Variants in OTOL1 observed in about 807,000 individuals in gnomAD.
OTOL1 encodes the protein otolin-1.
A neutral mutation model predicts 25.0 loss-of-function variants in OTOL1; 31 were observed. The ratio of observed to expected loss-of-function variants is 1.24; its 90% CI spans 0.93 to 1.67. The LOEUF (loss-of-function observed/expected upper bound fraction) is 1.67, where lower values mean the gene tolerates loss of function less well. OTOL1 is among the 40% of genes most tolerant of loss of function. The pLI, the probability that OTOL1 is intolerant of heterozygous loss-of-function variation, is 0.00. For missense variants in OTOL1, 654 were observed against 587.7 expected (o/e 1.11, Z -1.17); for synonymous variants, 225 against 210.3 (o/e 1.07, Z -0.61).
chr3:161,503,468 C>T lies in OTOL1; in HGVS notation c.960C>T (p.Gly320=). The T allele has an allele frequency of 6.2e-7, 1 of 1,613,326 alleles. No homozygotes were observed. The highest frequency in any genetic ancestry group is 1.7e-4 in the Middle Eastern group (1 of 6,056). ...ACATTGGCAACAAAGGGGTCCGAGG[C>T]CCCACTGGGAAGAAGGGCTCTCGGG... The part of the protein sequence containing the change: ...KGDIGNKGVR[G]PTGKKGSRGF... The change falls in exon 4 of 4, where the codon GGC becomes GGT. Residue 320 remains glycine (G), a synonymous_variant. Coordinates refer to ENST00000327928, the MANE Select transcript of OTOL1 (RefSeq NM_001080440.1).
At position 161,503,882 on chromosome 3, in the gene OTOL1, T is replaced by C. The variant is rs765579214; in HGVS notation, c.1374T>C (p.Asp458=). The change falls in exon 4 of 4, where the codon GAT becomes GAC. Residue 458 remains aspartate, a synonymous_variant. Coordinates refer to ENST00000327928, the MANE Select transcript of OTOL1 (RefSeq NM_001080440.1). The part of the protein sequence containing the change: ...DWNGVYVSAE[D]DSIFTGFLLY... ...ATGGGGTGTATGTCAGTGCTGAGGA[T>C]GACAGCATTTTTACTGGGTTCCTTT... 1.2e-6 allele frequency: 2 copies of C among 1,613,814 alleles called. No homozygotes were observed. Among genetic ancestry groups the C allele is most frequent in the Non-Finnish European group, 1.7e-6 (2 of 1,179,846 alleles).
At position 161,496,977 on chromosome 3, in the gene OTOL1, C is replaced by T; in HGVS notation, c.170C>T (p.Thr57Ile). The T allele has an allele frequency of 6.2e-7, 1 of 1,613,366 alleles. No homozygotes were observed. Among genetic ancestry groups the T allele is most frequent in the Non-Finnish European group, 8.5e-7 (1 of 1,179,454 alleles). Residue 57 changes from threonine (T) to isoleucine (I), a missense_variant, in exon 1 of 4, where the codon ACC becomes ATC. Coordinates refer to ENST00000327928, the MANE Select transcript of OTOL1 (RefSeq NM_001080440.1). ...GGCCCACCTCCAGAAGAAGAAGAAACCCTCTTCACAGAAATGGCTGAAATG... is the reference window on the plus strand; with the variant it reads ...GGCCCACCTCCAGAAGAAGAAGAAATCCTCTTCACAGAAATGGCTGAAATG... ...SSGPPPEEEE[T>I]LFTEMAEMAE... is the part of the protein sequence containing the mutation.
At chr3:161,501,087 C>T (rs1263318931) in intron 2 of OTOL1, among the ~76,000 whole-genome samples, 2 of 152,136 alleles carry the variant, frequency 1.3e-5, no homozygotes, top group Non-Finnish European at 2.9e-5. Context: ...ATCTCAGCTT[C>T]TTTTGTTGAT....
Position 161,499,213 on chromosome 3 carries a change from C to T in OTOL1, c.407C>T (p.Pro136Leu), listed in dbSNP as rs772412825. 6.2e-7 allele frequency: 1 copy of T among 1,611,454 alleles called. No individual in the cohort carries two copies. The highest frequency in any genetic ancestry group is 1.3e-5 in the African/African-American group (1 of 74,830). The change falls in exon 2 of 4, where the codon CCA (proline) becomes CTA (leucine). Residue 136 changes from proline to leucine, a missense_variant. Physicochemically the swap from Pro to Leu is moderately conservative, Grantham distance 98. Transcript: ENST00000327928. ...GGAAATTTGGGGATCCCAGGGCCAC[C>T]AGGAGTTGTTGGGCCCCAAGGCCCT... ...EAGNLGIPGP[P>L]GVVGPQGPRG...
chr3:161,500,376 C>T (rs1718946448), intron 2 of OTOL1, among the ~76,000 whole-genome samples: 1 of 152,042 alleles, frequency 6.6e-6, no homozygotes, highest in Non-Finnish European at 1.5e-5. Flanking sequence ...GTGATTCATA[C>T]ATTTTGGAAG....
intron 3 of OTOL1, 132 bp downstream of exon 3, chr3:161,502,501 C>A: frequency 1.3e-6 from 1 of 794,056 alleles, no homozygotes; most frequent in Non-Finnish European, 2.1e-6. Context: ...TCTAATAATT[C>A]AGTGTACTGA....
At position 161,503,107 on chromosome 3, in the gene OTOL1, G is replaced by A. The variant is rs1440237791; in HGVS notation, c.599G>A (p.Cys200Tyr). The A allele has an allele frequency of 1.3e-5, 19 of 1,425,978 alleles. 1 individual carries two copies. The highest frequency in any genetic ancestry group is 8.3e-6 in the Non-Finnish European group (9 of 1,088,718). The allele number at this position is 1,425,978 out of a possible 1,614,324, so 88.3% of individuals were successfully genotyped here. Residue 200 changes from cysteine to tyrosine, a missense_variant, in exon 4 of 4, where the codon TGT (cysteine) becomes TAT (tyrosine). Physicochemically the swap from Cys to Tyr is radical, Grantham distance 194. Coordinates refer to ENST00000327928, the MANE Select transcript of OTOL1 (RefSeq NM_001080440.1). ...CAAAAAGGCTCCAAGGGAGACACATGTGGGAATTGTACCAAAGGAGAAAAA... is the reference window on the plus strand; with the variant it reads ...CAAAAAGGCTCCAAGGGAGACACATATGGGAATTGTACCAAAGGAGAAAAA... ...KGQKGSKGDTCGNCTKGEKGD... is the reference protein window; with the variant it reads ...KGQKGSKGDTYGNCTKGEKGD...
At chr3:161,501,125 C>G (rs1718964951) in intron 2 of OTOL1, among the ~76,000 whole-genome samples, 1 of 152,114 alleles carries the variant, frequency 6.6e-6, no homozygotes, top group African/African-American at 2.4e-5. Flanking sequence ...ATCTTCCCTA[C>G]TTTTCTTGAA....
At position 161,497,168 on chromosome 3, in the gene OTOL1, C is replaced by A; in HGVS notation, c.361C>A (p.Pro121Thr). 6.2e-7 allele frequency: 1 copy of A among 1,604,612 alleles called. No individual in the cohort carries two copies. The highest frequency in any genetic ancestry group is 8.5e-7 in the Non-Finnish European group (1 of 1,176,196). Residue 121 changes from proline (P) to threonine (T), a missense_variant, in exon 1 of 4, where the codon CCA (proline) becomes ACA (threonine). Transcript: ENST00000327928. ...QKGEPGETGQ[P>T]GPKGEAGNLG... ...AGGAGAACCTGGAGAGACTGGACAG[C>A]CAGGTATTAGAAAATATAAGAAGTC...
chr3:161,499,239 A>G lies in OTOL1; in HGVS notation c.433A>G (p.Arg145Gly), dbSNP rs773504198. Residue 145 changes from arginine (R) to glycine (G), a missense_variant, in exon 2 of 4, where the codon AGA becomes GGA. Transcript: ENST00000327928. ...PPGVVGPQGP[R>G]GYKGEKGLKG... ...AGGAGTTGTTGGGCCCCAAGGCCCT[A>G]GAGGCTACAAAGGAGAGAAAGGTAG... The G allele has an allele frequency of 3.1e-6, 5 of 1,608,428 alleles. No homozygotes were observed. The African/African-American group carries it at 5.4e-5, about 17-fold the overall frequency.
intron 3 of OTOL1, 41 bp from the exon 4 acceptor site, chr3:161,502,985 C>T: frequency 1.6e-6 from 2 of 1,280,530 alleles, no homozygotes; most frequent in Non-Finnish European, 2.0e-6. Flanking sequence ...CTGTTTATGG[C>T]CTATGTGATC....
Position 161,497,022 on chromosome 3 carries a change from C to T in OTOL1, c.215C>T (p.Pro72Leu), listed in dbSNP as rs1225487790. ...MAEMAEPITK[P>L]SALDSVFGTA... ...GAAATGGCAGAACCAATTACCAAAC[C>T]CTCGGCCTTGGATTCTGTCTTTGGC... Residue 72 changes from proline (P) to leucine (L), a missense_variant, in exon 1 of 4, where the codon CCC (proline) becomes CTC (leucine). By Grantham distance (98) the Pro-to-Leu change is moderately conservative (BLOSUM62 -3). Transcript: ENST00000327928. 6.2e-7 allele frequency: 1 copy of T among 1,613,648 alleles called. No homozygotes were observed. The highest frequency in any genetic ancestry group is 8.5e-7 in the Non-Finnish European group (1 of 1,179,682).
At chr3:161,497,767 A>G (rs2404561) in intron 1 of OTOL1, among the ~76,000 whole-genome samples, 48,417 of 151,778 alleles carry the variant, frequency 0.32, 7,869 homozygotes, top group African/African-American at 0.34. Flanking sequence ...TCATTGCCCA[A>G]TGATTTTCTC....
Position 161,497,132 on chromosome 3 carries a change from C to T in OTOL1, c.325C>T (p.Pro109Ser). 6.2e-7 allele frequency: 1 copy of T among 1,613,328 alleles called. No homozygotes were observed. Among genetic ancestry groups the T allele is most frequent in the Non-Finnish European group, 8.5e-7 (1 of 1,179,486 alleles). ...LNCCDCCSPV[P>S]GQKGEPGETG... ...TTGTTGTGATTGTTGTTCACCTGTA[C>T]CCGGGCAGAAAGGAGAACCTGGAGA... is the stretch of plus-strand genomic sequence containing the variant. Residue 109 changes from proline (P) to serine (S), a missense_variant, in exon 1 of 4, where the codon CCC becomes TCC. Pro to Ser is a moderately conservative substitution (Grantham distance 74). Coordinates refer to ENST00000327928, the MANE Select transcript of OTOL1 (RefSeq NM_001080440.1).
chr3:161,502,251 T>C, intron 2 of OTOL1, 56 bp from the exon 3 acceptor site: 1 of 1,424,744 alleles, frequency 7.0e-7, no homozygotes, highest in Non-Finnish European at 9.8e-7. Flanking sequence ...GAGAGGAATA[T>C]TAAATATATC....
At position 161,497,172 on chromosome 3, in the gene OTOL1, G is replaced by T. The variant is rs1359851971; in HGVS notation, c.364+1G>T. On this transcript the variant is annotated splice_donor_variant, in intron 1 of 3. Coordinates refer to ENST00000327928, the MANE Select transcript of OTOL1 (RefSeq NM_001080440.1). LOFTEE classifies it high-confidence loss of function. ...GAACCTGGAGAGACTGGACAGCCAG[G>T]TATTAGAAAATATAAGAAGTCATGT... 9 of 1,600,832 alleles carry T rather than the reference G, an allele frequency of 5.6e-6. No homozygotes were observed. Among genetic ancestry groups the T allele is most frequent in the Non-Finnish European group, 6.8e-6 (8 of 1,174,766 alleles).
chr3:161,501,206 T>C (rs1364627528), intron 2 of OTOL1, among the ~76,000 whole-genome samples: 1 of 152,180 alleles, frequency 6.6e-6, no homozygotes, highest in Admixed American at 6.5e-5. Context: ...TATATGAACC[T>C]GTGTGCTATA....
rs1719036857 is a variant in OTOL1, at chr3:161,503,673, G to GT, written c.1171dup (p.Ser391PhefsTer20). ...TAACTGCTCTATTCCTGGGACATAT[G>GT]TTTTTTCCTACCATATTACGGTGAG... is the stretch of plus-strand genomic sequence containing the variant. On this transcript the variant is annotated frameshift_variant, in exon 4 of 4. Transcript: ENST00000327928. LOFTEE classifies it high-confidence loss of function. 1.9e-6 allele frequency: 3 copies of GT among 1,613,770 alleles called. No individual in the cohort carries two copies. The highest frequency in any genetic ancestry group is 1.1e-5 in the South Asian group (1 of 91,048).
At chr3:161,498,513 A>AT (rs1380736309) in intron 1 of OTOL1, among the ~76,000 whole-genome samples, 1 of 152,042 alleles carries the variant, frequency 6.6e-6, no homozygotes, top group Non-Finnish European at 1.5e-5. Context: ...GGGAAATCTT[A>AT]ATCTATTCTT....
Sources: allele counts gnomAD v4.1 joint callset (sites outside exome capture counted in the v4.1 genomes callset), GRCh38; gene constraint gnomAD v4.1.1; transcripts MANE v1.5; gene names NCBI Gene and HGNC (gene_info 2026-07-23, HGNC 2026-07-21).